MMP16: variants seen among roughly 807,000 people sequenced by gnomAD.
MMP16 encodes matrix metalloproteinase-16.
Under a neutral mutation model 67.8 loss-of-function variants are expected in MMP16, and 12 were observed. The observed-to-expected ratio is 0.18, with a 90% CI of 0.11 to 0.29. The LOEUF is 0.29. Ranked by LOEUF, MMP16 falls within the 10% of genes least tolerant of loss-of-function variation. MMP16 has a pLI of 1.00. For synonymous variants in MMP16, 249 were observed against 255.9 expected (o/e 0.97, Z 0.26); for missense variants, 475 against 765.7 (o/e 0.62, Z 4.48).
chr8:88,287,557 G>T (rs1474995430), intron 1 of MMP16, among the ~76,000 whole-genome samples: 1 of 152,042 alleles, frequency 6.6e-6, no homozygotes, highest in Non-Finnish European at 1.5e-5. Flanking sequence ...GCCTCTTTTT[G>T]TTCATTGTTA....
chr8:88,048,500 C>A lies in MMP16; in HGVS notation c.1374-1716G>T, dbSNP rs374431887. Among the ~76,000 whole-genome samples the A allele has an allele frequency of 7.2e-5, 11 of 152,294 alleles. No individual in the cohort carries two copies. In the East Asian group the frequency reaches 1.2e-3, roughly 16 times the overall value. ...TCACAGTGATATCACCTATTTCGGG[C>A]AGCCCTATTGCTCTATGCATTATTT... On this transcript the variant is annotated intron_variant, in intron 8 of 9. Coordinates refer to ENST00000286614, the MANE Select transcript of MMP16 (RefSeq NM_005941.5).
chr8:88,069,343 T>A (rs1430791283), intron 7 of MMP16: 1 of 404,724 alleles, frequency 2.5e-6, no homozygotes, highest in Non-Finnish European at 5.0e-6. Context: ...CCTTTTATTT[T>A]AAATTTTCAA....
intron 3 of MMP16, among the ~76,000 whole-genome samples, chr8:88,172,517 T>A (rs978454084): frequency 6.6e-6 from 1 of 152,106 alleles, no homozygotes; most frequent in Admixed American, 6.6e-5. Context: ...CACAGAGTGA[T>A]CATGAGGTAA....
chr8:88,060,633 T>C (rs1375847909), intron 7 of MMP16, among the ~76,000 whole-genome samples: 3 of 152,094 alleles, frequency 2.0e-5, no homozygotes, highest in Admixed American at 1.3e-4. Flanking sequence ...CTGAGTATGA[T>C]GGGCACCTTA....
chr8:88,215,425 TA>T (rs1318027908), intron 1 of MMP16, among the ~76,000 whole-genome samples: 1 of 152,168 alleles, frequency 6.6e-6, no homozygotes, highest in Non-Finnish European at 1.5e-5. Flanking sequence ...CTGCAGAGGC[TA>T]GAGAGGTTAA....
At chr8:88,070,541 C>T (rs80290929) in intron 7 of MMP16, among the ~76,000 whole-genome samples, 8,783 of 152,000 alleles carry the variant, frequency 0.058, 384 homozygotes, top group East Asian at 0.25. Flanking sequence ...CTTTCCAATA[C>T]GTATGGGGGT....
At chr8:88,050,151 G>A (rs184106831) in intron 8 of MMP16, among the ~76,000 whole-genome samples, 9 of 152,244 alleles carry the variant, frequency 5.9e-5, no homozygotes, top group African/African-American at 1.2e-4. Flanking sequence ...GCGAAACTCC[G>A]TCTCTACTAA....
At chr8:88,161,155 C>A (rs555594585) in intron 4 of MMP16, among the ~76,000 whole-genome samples, 1 of 152,042 alleles carries the variant, frequency 6.6e-6, no homozygotes, top group Non-Finnish European at 1.5e-5. Context: ...TGGTAGAATT[C>A]GGCTGTGAAT....
In MMP16 at chr8:88,277,436, G is replaced by C. The variant is rs545094843; in HGVS notation, c.132+49639C>G. Among the ~76,000 whole-genome samples, 46 of 152,340 alleles carry C rather than the reference G, an allele frequency of 3.0e-4. 1 individual carries two copies. Among genetic ancestry groups the C allele is most frequent in the African/African-American group, 1.0e-3 (43 of 41,582 alleles). ...ATGAAGCTCATCTAAGCTTCTGGGA[G>C]ATGGGAGATTCTAATTAAGAAAAAC... is the stretch of plus-strand genomic sequence containing the variant. On this transcript the variant is annotated intron_variant, in intron 1 of 9. Coordinates refer to ENST00000286614, the MANE Select transcript of MMP16 (RefSeq NM_005941.5).
In MMP16 at chr8:88,034,287, A is replaced by G. The variant is rs1808025742; in HGVS notation, c.*7174T>C. 1 of 152,250 alleles carries G rather than the reference A, an allele frequency of 6.6e-6. No individual in the cohort carries two copies. Among genetic ancestry groups the G allele is most frequent in the African/African-American group, 2.4e-5 (1 of 41,392 alleles). 9.4% of individuals were successfully genotyped at this position (152,250 alleles called of 1,614,324 possible). ...TAGGAATAGAAAGAAATGCAAATAT[A>G]GACAGAGACTGCATAGGACAACTCA... On this transcript the variant is annotated 3_prime_UTR_variant, in exon 10 of 10. Coordinates refer to ENST00000286614, the MANE Select transcript of MMP16 (RefSeq NM_005941.5).
At chr8:88,189,815 C>T (rs1809137601) in intron 2 of MMP16, among the ~76,000 whole-genome samples, 1 of 152,142 alleles carries the variant, frequency 6.6e-6, no homozygotes, top group Admixed American at 6.6e-5. Flanking sequence ...GTTTACCACC[C>T]CAATGCAGCA....
At chr8:88,233,171 G>A (rs1809888307) in intron 1 of MMP16, among the ~76,000 whole-genome samples, 1 of 152,068 alleles carries the variant, frequency 6.6e-6, no homozygotes, top group Non-Finnish European at 1.5e-5. Context: ...CTAGCACAGG[G>A]CAAGTGTTCA....
intron 7 of MMP16, 31 bp from the exon 8 acceptor site, chr8:88,056,309 A>T: frequency 8.1e-7 from 1 of 1,241,352 alleles, no homozygotes; most frequent in Non-Finnish European, 1.1e-6. Flanking sequence ...TGTAGAATAT[A>T]TTAATTTAAT....
intron 2 of MMP16, 28 bp from the exon 3 acceptor site, chr8:88,186,626 A>AC: frequency 6.9e-7 from 1 of 1,450,848 alleles, no homozygotes; most frequent in Non-Finnish European, 9.3e-7. Context: ...AAAAAAAAAA[A>AC]GCAGTATTTT....
At chr8:88,171,036 AAATAAAG>A (rs931020945) in intron 3 of MMP16, among the ~76,000 whole-genome samples, 91 of 152,328 alleles carry the variant, frequency 6.0e-4, no homozygotes, top group African/African-American at 2.1e-3. Flanking sequence ...TTTTGATTTC[AAATAAAG>A]AATAATCTTA....
chr8:88,147,656 C>A (rs1296856073), intron 4 of MMP16, among the ~76,000 whole-genome samples: 1 of 151,924 alleles, frequency 6.6e-6, no homozygotes, highest in Non-Finnish European at 1.5e-5. Flanking sequence ...ATGCCACTGT[C>A]TTCTTGACTC....
rs1297747176 is a variant in MMP16, at chr8:88,032,216, C to T, written c.*9245G>A. 1 of 152,150 alleles carries T rather than the reference C, an allele frequency of 6.6e-6. No individual in the cohort carries two copies. Among genetic ancestry groups the T allele is most frequent in the African/African-American group, 2.4e-5 (1 of 41,432 alleles). The allele number at this position is 152,150 out of a possible 1,614,324, so 9.4% of individuals were successfully genotyped here. A position where few individuals can be genotyped will look rare whatever the true frequency, so the allele number is the denominator to read the frequency against. On this transcript the variant is annotated 3_prime_UTR_variant, in exon 10 of 10. Coordinates refer to ENST00000286614, the MANE Select transcript of MMP16 (RefSeq NM_005941.5). Reference sequence around the variant, plus strand: ...AAATTAATAAATACAAAACAAATCACTGCACAGCCCTTAACTCTTTGATTG... The same window carrying T: ...AAATTAATAAATACAAAACAAATCATTGCACAGCCCTTAACTCTTTGATTG...
At chr8:88,325,350 A>G (rs1319572760) in intron 1 of MMP16, among the ~76,000 whole-genome samples, 2 of 152,142 alleles carry the variant, frequency 1.3e-5, no homozygotes, top group African/African-American at 4.8e-5. Flanking sequence ...AGCAAATCTA[A>G]TACTTTCCTA....
At chr8:88,198,609 C>T (rs1485569076) in intron 1 of MMP16, among the ~76,000 whole-genome samples, 1 of 151,902 alleles carries the variant, frequency 6.6e-6, no homozygotes, top group Non-Finnish European at 1.5e-5. Flanking sequence ...TTAAATGTAT[C>T]AAAGTCTTAA....
Sources: allele counts gnomAD v4.1 joint callset (sites outside exome capture counted in the v4.1 genomes callset), GRCh38; gene constraint gnomAD v4.1.1; transcripts MANE v1.5; gene names NCBI Gene and HGNC (gene_info 2026-07-23, HGNC 2026-07-21).